Variants in ZNF365 observed in about 807,000 individuals in gnomAD.
ZNF365 encodes the protein zinc finger protein 365.
ZNF365 carries 22 observed loss-of-function variants against 35.0 expected under a neutral mutation model. That is an observed-to-expected ratio of 0.63 (90% CI 0.45 to 0.90). ZNF365 has a LOEUF of 0.90. Ranked by LOEUF, ZNF365 falls within the 40% of genes least tolerant of loss-of-function variation. The probability of loss-of-function intolerance (pLI) is 0.00; values close to 1 mark genes in which losing one functional copy is unlikely to be tolerated. For missense variants in ZNF365, 448 were observed against 500.3 expected (o/e 0.90, Z 1.00); for synonymous variants, 188 against 196.2 (o/e 0.96, Z 0.35).
At chr10:62,398,908 G>T (rs1839776570) in intron 4 of ZNF365, 131 bp downstream of exon 4, 1 of 859,822 alleles carries the variant, frequency 1.2e-6, no homozygotes, top group Non-Finnish European at 1.7e-6. Flanking sequence ...AGGCTTAAGT[G>T]AAAACTGACC....
At chr10:62,435,110 T>C (rs1473606067) in intron 3 of ZNF365, among the ~76,000 whole-genome samples, 1 of 152,114 alleles carries the variant, frequency 6.6e-6, no homozygotes, top group Admixed American at 6.6e-5. Context: ...GAAACCAACT[T>C]AAAGAATGAC....
chr10:62,455,192 T>G lies in ZNF365; in HGVS notation c.925-4549T>G, dbSNP rs148309611. 5.9e-3 allele frequency among the ~76,000 whole-genome samples: 899 copies of G among 152,250 alleles called. 15 individuals carry two copies. The highest frequency in any genetic ancestry group is 0.033 in the Admixed American group (506 of 15,292). ...AAATGTTGTGCTGTGGAAGGATCAC[T>G]CTGGCAGCACTGTGGAGACAGCACA... On this transcript the variant is annotated intron_variant, in intron 3 of 4. Coordinates refer to the ZNF365 transcript ENST00000395255.
intron 4 of ZNF365, among the ~76,000 whole-genome samples, chr10:62,462,511 T>C (rs1453381333): frequency 6.6e-6 from 1 of 152,236 alleles, no homozygotes; most frequent in Non-Finnish European, 1.5e-5. Context: ...GCATCCCACA[T>C]GTGGCCTGAA....
At position 62,376,204 on chromosome 10, in the gene ZNF365, AG is replaced by A; in HGVS notation, c.13del (p.Ala5LeufsTer39). 1.9e-6 allele frequency: 3 copies of A among 1,614,090 alleles called. No individual in the cohort carries two copies. The highest frequency in any genetic ancestry group is 2.5e-6 in the Non-Finnish European group (3 of 1,180,004). On this transcript the variant is annotated frameshift_variant, in exon 2 of 5. Transcript: ENST00000395254. LOFTEE classifies it high-confidence loss of function. ...AGGACTTTTAGAGTAATGCAACAGA[AG>A]GCTTTTGAGGAAAGCAGATATCCCT... is the stretch of plus-strand genomic sequence containing the variant. Reference protein sequence around the residue: MQQKAFEESRYPWQ... With the variant: MQQXAFEESRYPWQ...
intron 4 of ZNF365, among the ~76,000 whole-genome samples, chr10:62,464,943 C>T (rs370685078): frequency 4.6e-5 from 7 of 152,300 alleles, no homozygotes; most frequent in East Asian, 1.9e-4. Context: ...CAGCAGGGGC[C>T]GGAAGCAGGT....
intron 3 of ZNF365, among the ~76,000 whole-genome samples, chr10:62,437,225 T>G (rs1840421433): frequency 6.6e-6 from 1 of 152,220 alleles, no homozygotes; most frequent in African/African-American, 2.4e-5. Flanking sequence ...GTGGTTGAAT[T>G]CAGTTAAGCA....
intron 3 of ZNF365, among the ~76,000 whole-genome samples, chr10:62,410,158 C>T (rs1309166730): frequency 6.6e-6 from 1 of 152,046 alleles, no homozygotes; most frequent in East Asian, 1.9e-4. Flanking sequence ...CACGGGACTG[C>T]CTTGTTGGTT....
At chr10:62,439,464 G>A (rs1337915412) in intron 3 of ZNF365, among the ~76,000 whole-genome samples, 6 of 152,112 alleles carry the variant, frequency 3.9e-5, no homozygotes, top group South Asian at 2.1e-4. Flanking sequence ...GGGATGGGAT[G>A]TGTAGCTCGG....
intron 3 of ZNF365, among the ~76,000 whole-genome samples, chr10:62,419,822 G>C (rs1009170412): frequency 6.6e-6 from 1 of 151,768 alleles, no homozygotes; most frequent in African/African-American, 2.4e-5. Flanking sequence ...GTGCTTTTTT[G>C]TTTTATTCCC....
At chr10:62,473,673 G>A (rs753964933) in intron 4 of ZNF365, among the ~76,000 whole-genome samples, 4 of 151,922 alleles carry the variant, frequency 2.6e-5, no homozygotes, top group African/African-American at 7.3e-5. Flanking sequence ...ACCATGCCTG[G>A]CACATAGTAA....
At chr10:62,427,645 G>A (rs1249110552) in intron 3 of ZNF365, among the ~76,000 whole-genome samples, 6 of 152,098 alleles carry the variant, frequency 3.9e-5, no homozygotes, top group Non-Finnish European at 8.8e-5. Flanking sequence ...TTCTCTTTTA[G>A]GTCTGCTTGG....
intron 3 of ZNF365, among the ~76,000 whole-genome samples, chr10:62,458,603 A>G (rs946091948): frequency 7.2e-5 from 11 of 152,038 alleles, no homozygotes; most frequent in Admixed American, 3.3e-4. Flanking sequence ...CATTTTTGCT[A>G]CTGGCTTAAT....
chr10:62,473,789 C>T (rs1053058220), intron 4 of ZNF365, among the ~76,000 whole-genome samples: 4 of 152,080 alleles, frequency 2.6e-5, no homozygotes, highest in African/African-American at 9.7e-5. Flanking sequence ...GAAAACCAAA[C>T]AAAGAGGAGC....
chr10:62,448,494 T>A lies in ZNF365; in HGVS notation c.925-11247T>A, dbSNP rs146964612. Among the ~76,000 whole-genome samples the A allele has an allele frequency of 4.1e-3, 629 of 152,344 alleles. 3 individuals are homozygous for A. The highest frequency in any genetic ancestry group is 0.014 in the African/African-American group (598 of 41,584). ...ATTGCAGTCACTTTGGCCCTTTTTT[T>A]ATTCAGTTTGTTAAATGCGCCTGTA... On this transcript the variant is annotated intron_variant, in intron 3 of 4. Coordinates refer to the ZNF365 transcript ENST00000395255.
chr10:62,417,391 AT>A (rs2132444633), intron 3 of ZNF365, among the ~76,000 whole-genome samples: 1 of 152,182 alleles, frequency 6.6e-6, no homozygotes, highest in African/African-American at 2.4e-5. Flanking sequence ...TGCTATAAAA[AT>A]GAACAAAATG....
chr10:62,435,162 T>C (rs1840388598), intron 3 of ZNF365, among the ~76,000 whole-genome samples: 1 of 152,184 alleles, frequency 6.6e-6, no homozygotes, highest in African/African-American at 2.4e-5. Context: ...TTATAGGACT[T>C]GCTGAGATTT....
In ZNF365 at chr10:62,401,429, A is replaced by G. The variant is rs1248267579; in HGVS notation, c.*1640A>G. ...AAGTGTAACTTATCATTATACAAAC[A>G]TTCTGAACCTACCATAATGAAAATG... On this transcript the variant is annotated 3_prime_UTR_variant, in exon 5 of 5. Transcript: ENST00000395254. 1 of 985,454 alleles carries G rather than the reference A, an allele frequency of 1.0e-6. No individual in the cohort carries two copies. Among genetic ancestry groups the G allele is most frequent in the Non-Finnish European group, 1.2e-6 (1 of 829,936 alleles). 61.0% of individuals were successfully genotyped at this position (985,454 alleles called of 1,614,324 possible). A position where few individuals can be genotyped will look rare whatever the true frequency, so the allele number is the denominator to read the frequency against.
At chr10:62,445,567 A>G (rs1840573191) in intron 3 of ZNF365, among the ~76,000 whole-genome samples, 1 of 152,192 alleles carries the variant, frequency 6.6e-6, no homozygotes, top group South Asian at 2.1e-4. Flanking sequence ...AGATCCTGAG[A>G]TCCCACCTAT....
intron 3 of ZNF365, among the ~76,000 whole-genome samples, chr10:62,451,515 C>T (rs1000983166): frequency 6.6e-6 from 1 of 152,172 alleles, no homozygotes; most frequent in Non-Finnish European, 1.5e-5. Flanking sequence ...CCAGTTCCTA[C>T]TCAAGGCCCA....
Sources: allele counts gnomAD v4.1 joint callset (sites outside exome capture counted in the v4.1 genomes callset), GRCh38; gene constraint gnomAD v4.1.1; transcripts MANE v1.5; gene names NCBI Gene and HGNC (gene_info 2026-07-23, HGNC 2026-07-21).